Variants in AGAP3 observed in about 807,000 individuals in gnomAD.
AGAP3 encodes the protein ArfGAP with GTPase domain, ankyrin repeat and PH domain 3.
AGAP3 carries 24 observed loss-of-function variants against 96.9 expected under a neutral mutation model. The ratio of observed to expected loss-of-function variants is 0.25; its 90% CI spans 0.18 to 0.35. AGAP3 has a LOEUF of 0.35. Among genes scored for constraint, AGAP3 ranks in the 10% least tolerant of loss-of-function variants. The pLI, the probability that AGAP3 is intolerant of heterozygous loss-of-function variation, is 1.00. For missense variants in AGAP3, 876 were observed against 1,254.2 expected (o/e 0.70, Z 4.55); for synonymous variants, 563 against 536.1 (o/e 1.05, Z -0.69).
At chr7:151,110,439 G>C (rs909093565) in intron 1 of AGAP3, among the ~76,000 whole-genome samples, 11 of 151,398 alleles carry the variant, frequency 7.3e-5, no homozygotes, top group Non-Finnish European at 1.3e-4. Context: ...GTCAAGGCTG[G>C]ATGGGGATGG....
chr7:151,125,141 G>A (rs924052113), intron 9 of AGAP3, among the ~76,000 whole-genome samples: 4 of 152,206 alleles, frequency 2.6e-5, no homozygotes, highest in East Asian at 1.9e-4. Context: ...GCTAGGTGAC[G>A]CCCTCTGCTT....
chr7:151,107,711 G>C (rs2150437509), intron 1 of AGAP3, among the ~76,000 whole-genome samples: 1 of 152,294 alleles, frequency 6.6e-6, no homozygotes, highest in Admixed American at 6.5e-5. Context: ...CTCATACTTG[G>C]AATGCATTTT....
intron 8 of AGAP3, among the ~76,000 whole-genome samples, chr7:151,122,432 C>G (rs1425412436): frequency 6.6e-6 from 1 of 152,188 alleles, no homozygotes; most frequent in East Asian, 1.9e-4. Flanking sequence ...CCTGGGCTGC[C>G]GAGTGGCGAA....
chr7:151,121,218 G>A (rs989771887), intron 8 of AGAP3, among the ~76,000 whole-genome samples: 4 of 151,982 alleles, frequency 2.6e-5, no homozygotes, highest in Non-Finnish European at 5.9e-5. Context: ...CTGCCCTCGC[G>A]GCCATCCATG....
rs1227026341 is a variant in AGAP3 at position 151,142,961 on chromosome 7, G to GC, written c.2273+333dup. Among the ~76,000 whole-genome samples the GC allele has an allele frequency of 6.6e-6, 1 of 152,138 alleles. No individual in the cohort carries two copies. The highest frequency in any genetic ancestry group is 1.5e-5 in the Non-Finnish European group (1 of 68,012). ...TGGGTGAGAGATAGGGGAGTGTGTG[G>GC]CCCCCCAGTGCAGGCCCCCACCCGC... On this transcript the variant is annotated intron_variant, in intron 16 of 17. Transcript: ENST00000397238. This position sits in a 1 kb window ranked among gnomAD's most constrained non-coding sequence, Gnocchi z 7.5.
At chr7:151,113,666 G>C (rs1585065965) in intron 1 of AGAP3, among the ~76,000 whole-genome samples, 1 of 152,208 alleles carries the variant, frequency 6.6e-6, no homozygotes, top group South Asian at 2.1e-4. Context: ...CTCCTGATCC[G>C]TGGCTGGTAT....
chr7:151,098,233 C>A (rs1260811787), intron 1 of AGAP3, among the ~76,000 whole-genome samples: 3 of 152,166 alleles, frequency 2.0e-5, no homozygotes, highest in African/African-American at 4.8e-5. Context: ...GTGGCGCATG[C>A]CTCCAGTCCC....
intron 1 of AGAP3, chr7:151,112,358 C>G (rs947388732): frequency 1.3e-5 from 2 of 152,236 alleles, no homozygotes; most frequent in Non-Finnish European, 2.9e-5. Flanking sequence ...GTAAGATGTT[C>G]TTTTGGGGAC....
At position 151,123,830 on chromosome 7, in the gene AGAP3, G is replaced by T. The variant is rs369359595; in HGVS notation, c.1165G>T (p.Ala389Ser). ...KGADLDREKKAAECKVDSIGS... is the reference protein window; with the variant it reads ...KGADLDREKKSAECKVDSIGS... ...TGCTGACCTGGACCGGGAGAAGAAG[G>T]CTGCCGAGTGCAAGGTGGACAGCAT... Residue 389 changes from alanine (A) to serine (S), a missense_variant, in exon 9 of 18, where the codon GCT (alanine) becomes TCT (serine). Around this residue, in one of 8 missense-constraint regions of AGAP3, gnomAD observed 49 missense variants for 41.7 expected, o/e 1.17. Transcript: ENST00000397238. The T allele has an allele frequency of 6.8e-6, 11 of 1,612,586 alleles. No homozygotes were observed. The highest frequency in any genetic ancestry group is 1.6e-4 in the Middle Eastern group (1 of 6,062).
chr7:151,141,749 T>C lies in AGAP3; in HGVS notation c.1805-149T>C. 1.1e-6 allele frequency: 1 copy of C among 948,720 alleles called. No homozygotes were observed. The highest frequency in any genetic ancestry group is 1.5e-5 in the South Asian group (1 of 65,844). 58.8% of individuals were successfully genotyped at this position (948,720 alleles called of 1,614,324 possible). A position where few individuals can be genotyped will look rare whatever the true frequency, so the allele number is the denominator to read the frequency against. ...TACTCTGGCCTCCCCCTGCAAGCTG[T>C]CCTGGAGTGTGTGGCCTTGCAGCTG... is the stretch of plus-strand genomic sequence containing the variant. On this transcript the variant is annotated intron_variant, in intron 13 of 17. Coordinates refer to ENST00000397238, the MANE Select transcript of AGAP3 (RefSeq NM_031946.7). The surrounding 1 kb of genome is among the most constrained non-coding windows in gnomAD (Gnocchi z 4.2).
At chr7:151,098,028 A>G (rs895239836) in intron 1 of AGAP3, among the ~76,000 whole-genome samples, 3 of 152,074 alleles carry the variant, frequency 2.0e-5, no homozygotes, top group African/African-American at 7.2e-5. Context: ...GCCAGTGGCT[A>G]TGGTGTTGAA....
chr7:151,106,626 TACC>T (rs1799066203), intron 1 of AGAP3, among the ~76,000 whole-genome samples: 2 of 152,212 alleles, frequency 1.3e-5, no homozygotes, highest in South Asian at 4.1e-4. Context: ...TACAGGCACG[TACC>T]ACCACACCCA....
In AGAP3 at chr7:151,117,468, G is replaced by A. The variant is rs547595660; in HGVS notation, c.564+12G>A. 6.2e-7 allele frequency: 1 copy of A among 1,614,162 alleles called. No homozygotes were observed. Among genetic ancestry groups the A allele is most frequent in the Admixed American group, 1.7e-5 (1 of 60,028 alleles). On this transcript the variant is annotated intron_variant, in intron 4 of 17. Coordinates refer to ENST00000397238, the MANE Select transcript of AGAP3 (RefSeq NM_031946.7). ...CCCCTGAGCTCCAGGTGATGCTCCT[G>A]CCCAGGGTTAGGGCCCACCGCTGTG...
intron 1 of AGAP3, chr7:151,089,695 G>A (rs1451124020): frequency 6.6e-6 from 1 of 152,258 alleles, no homozygotes; most frequent in Non-Finnish European, 1.5e-5. Flanking sequence ...TGTGTTTCAG[G>A]ACAGGATTTG....
chr7:151,126,136 C>T (rs1484606309), intron 9 of AGAP3, among the ~76,000 whole-genome samples: 1 of 151,462 alleles, frequency 6.6e-6, no homozygotes, highest in Admixed American at 6.6e-5. Context: ...GCGGCTCCCT[C>T]GCCTCCGCCT....
chr7:151,121,579 C>T (rs79555670), intron 8 of AGAP3, among the ~76,000 whole-genome samples: 13,974 of 152,110 alleles, frequency 0.092, 1,359 homozygotes, highest in African/African-American at 0.24. Context: ...CCTCCGCCCA[C>T]GCCCAGTCCC....
intron 11 of AGAP3, among the ~76,000 whole-genome samples, chr7:151,135,655 C>T (rs1410219496): frequency 3.3e-5 from 5 of 152,144 alleles, no homozygotes; most frequent in Non-Finnish European, 5.9e-5. Flanking sequence ...GGCCCACTCT[C>T]GCAGAAACAC....
At chr7:151,105,603 A>AG (rs1431541129) in intron 1 of AGAP3, among the ~76,000 whole-genome samples, 1 of 151,758 alleles carries the variant, frequency 6.6e-6, no homozygotes, top group East Asian at 1.9e-4. Flanking sequence ...AAAAAAAAAA[A>AG]AAAGAAAAAA....
intron 1 of AGAP3, among the ~76,000 whole-genome samples, chr7:151,109,860 T>G (rs925487413): frequency 1.3e-5 from 2 of 152,208 alleles, no homozygotes; most frequent in African/African-American, 4.8e-5. Flanking sequence ...TGGCTCTCCC[T>G]TGCGCAATAG....
Sources: gnomAD v4.1 joint callset for allele counts (sites outside exome capture counted in the v4.1 genomes callset) on GRCh38, gnomAD v4.1.1 for gene constraint, gnomAD v4.1.1 regional missense constraint, Gnocchi (gnomAD v3.1) non-coding constraint, MANE v1.5 for transcripts, NCBI Gene and HGNC (gene_info 2026-07-23, HGNC 2026-07-21) for gene names.